NRXN1: variants seen among roughly 807,000 people sequenced by gnomAD.
NRXN1 encodes neurexin 1.
Under a neutral mutation model 150.9 loss-of-function variants are expected in NRXN1, and 39 were observed. That is an observed-to-expected ratio of 0.26 (90% confidence interval 0.20 to 0.34). NRXN1 has a LOEUF of 0.34. Ranked by LOEUF, NRXN1 falls within the 10% of genes least tolerant of loss-of-function variation. The pLI is 1.00. For missense variants in NRXN1, 1,815 were observed against 1,949.9 expected, an observed-to-expected ratio of 0.93 and a Z score of 1.30; for synonymous variants, 924 against 757.0, an observed-to-expected ratio of 1.22 and a Z score of -3.62.
intron 5 of NRXN1, among the ~76,000 whole-genome samples, chr2:50,761,547 T>C: frequency 6.6e-6 from 1 of 151,962 alleles, no homozygotes; most frequent in Admixed American, 6.6e-5. Context: ...TCTTTCTCTT[T>C]ATAAATTACC....
intron 5 of NRXN1, among the ~76,000 whole-genome samples, chr2:50,639,713 T>A (rs1458945944): frequency 6.6e-6 from 1 of 152,128 alleles, no homozygotes; most frequent in East Asian, 1.9e-4. Context: ...TATACCTTCA[T>A]AACTTTCATA....
chr2:50,404,164 G>T (rs1294868548), intron 17 of NRXN1, among the ~76,000 whole-genome samples: 6 of 145,172 alleles, frequency 4.1e-5, no homozygotes, highest in South Asian at 2.2e-4. Flanking sequence ...GTTTTTTTTT[G>T]TTTGTTTTGT....
At chr2:50,180,184 G>C (rs990233319) in intron 18 of NRXN1, among the ~76,000 whole-genome samples, 11 of 140,758 alleles carry the variant, frequency 7.8e-5, no homozygotes, top group Non-Finnish European at 1.7e-4. Flanking sequence ...CCCACATCTG[G>C]CTAATTTAAA....
intron 5 of NRXN1, among the ~76,000 whole-genome samples, chr2:50,642,236 T>A (rs1684179025): frequency 6.6e-6 from 1 of 151,976 alleles, no homozygotes; most frequent in African/African-American, 2.4e-5. Flanking sequence ...TAGACAGGGA[T>A]CCAGTTTACA....
At chr2:50,902,787 C>T (rs559452222) in intron 5 of NRXN1, among the ~76,000 whole-genome samples, 2 of 152,120 alleles carry the variant, frequency 1.3e-5, no homozygotes, top group Admixed American at 1.3e-4. Flanking sequence ...AAAAGGAAGT[C>T]AAATGTCATT....
chr2:50,841,893 G>C (rs1373725851), intron 5 of NRXN1, among the ~76,000 whole-genome samples: 5 of 152,130 alleles, frequency 3.3e-5, no homozygotes, highest in Admixed American at 6.6e-5. Flanking sequence ...AGTCTGGTGA[G>C]TTGAATAAAT....
chr2:50,379,775 G>T (rs1213535280), intron 17 of NRXN1, among the ~76,000 whole-genome samples: 1 of 152,084 alleles, frequency 6.6e-6, no homozygotes, highest in Non-Finnish European at 1.5e-5. Context: ...CAGAATACAA[G>T]ACTTGCTTAA....
chr2:50,182,891 A>G (rs897348650), intron 18 of NRXN1, among the ~76,000 whole-genome samples: 1 of 152,080 alleles, frequency 6.6e-6, no homozygotes, highest in Admixed American at 6.6e-5. Flanking sequence ...TAAAGTAAAT[A>G]TAGTAATTAG....
intron 21 of NRXN1, among the ~76,000 whole-genome samples, chr2:50,048,494 G>C (rs1692189308): frequency 6.6e-6 from 1 of 151,994 alleles, no homozygotes; most frequent in Non-Finnish European, 1.5e-5. Flanking sequence ...AATGTATTTT[G>C]TTAGCTCTAA....
intron 17 of NRXN1, among the ~76,000 whole-genome samples, chr2:50,283,064 G>A (rs1156991767): frequency 6.6e-6 from 1 of 152,166 alleles, no homozygotes; most frequent in African/African-American, 2.4e-5. Context: ...TGTAAGCTCT[G>A]TGAAGGAACA....
chr2:49,991,144 T>C (rs1037347406), intron 21 of NRXN1, among the ~76,000 whole-genome samples: 24 of 152,174 alleles, frequency 1.6e-4, no homozygotes, highest in Non-Finnish European at 3.2e-4. Flanking sequence ...AGTGAGAAAC[T>C]TGACACTTCT....
chr2:50,534,353 C>T (rs1213666619), intron 10 of NRXN1, among the ~76,000 whole-genome samples: 1 of 152,026 alleles, frequency 6.6e-6, no homozygotes, highest in African/African-American at 2.4e-5. Flanking sequence ...TTAGGCAATG[C>T]CCTAAGCACT....
At chr2:50,418,643 C>T (rs1017022498) in intron 17 of NRXN1, among the ~76,000 whole-genome samples, 1 of 151,814 alleles carries the variant, frequency 6.6e-6, no homozygotes, top group Admixed American at 6.6e-5. Flanking sequence ...AAAGGCATAC[C>T]CTTGTACAGG....
intron 17 of NRXN1, among the ~76,000 whole-genome samples, chr2:50,353,780 G>C (rs1293609501): frequency 6.6e-6 from 1 of 152,082 alleles, no homozygotes; most frequent in Non-Finnish European, 1.5e-5. Flanking sequence ...GTCAAGCTCA[G>C]CCACTTCTTA....
intron 18 of NRXN1, among the ~76,000 whole-genome samples, chr2:50,155,798 C>T (rs1047729032): frequency 6.6e-6 from 1 of 151,188 alleles, no homozygotes; most frequent in Non-Finnish European, 1.5e-5. Flanking sequence ...AAACTATATG[C>T]AACTAATAAA....
At chr2:50,063,496 T>C (rs1026508255) in intron 19 of NRXN1, among the ~76,000 whole-genome samples, 5 of 150,936 alleles carry the variant, frequency 3.3e-5, no homozygotes, top group African/African-American at 1.2e-4. Flanking sequence ...CTCCTTTGCA[T>C]TGCGAATTTC....
intron 17 of NRXN1, among the ~76,000 whole-genome samples, chr2:50,306,320 A>G (rs1341630899): frequency 6.6e-6 from 1 of 152,176 alleles, no homozygotes; most frequent in Non-Finnish European, 1.5e-5. Context: ...AGCAATATTT[A>G]CACTGATTAA....
At chr2:50,677,091 G>C (rs1689655248) in intron 5 of NRXN1, among the ~76,000 whole-genome samples, 1 of 152,052 alleles carries the variant, frequency 6.6e-6, no homozygotes, top group African/African-American at 2.4e-5. Flanking sequence ...GCCACAAAGG[G>C]GCATGACAGC....
intron 18 of NRXN1, among the ~76,000 whole-genome samples, chr2:50,200,286 A>G (rs1366631040): frequency 2.0e-5 from 3 of 152,122 alleles, no homozygotes; most frequent in African/African-American, 4.8e-5. Context: ...TGTAATAACT[A>G]CCTGCAAACT....
Sources: gnomAD v4.1 joint callset for allele counts (sites outside exome capture counted in the v4.1 genomes callset) on GRCh38, gnomAD v4.1.1 for gene constraint, MANE v1.5 for transcripts, NCBI Gene and HGNC (gene_info 2026-07-23, HGNC 2026-07-21) for gene names.